Variants in PRKAR1B observed in about 807,000 individuals in gnomAD.
The protein encoded by PRKAR1B is cAMP-dependent protein kinase type I-beta regulatory subunit.
In PRKAR1B, 22 loss-of-function variants were observed where a neutral mutation model predicts 46.5. That is an observed-to-expected ratio of 0.47 (90% CI 0.34 to 0.68). PRKAR1B has a LOEUF of 0.68. Ranked by LOEUF, PRKAR1B falls within the 30% of genes least tolerant of loss-of-function variation. The pLI is 0.01. For synonymous variants in PRKAR1B, 259 were observed against 217.7 expected, an observed-to-expected ratio of 1.19 and a Z score of -1.67; for missense variants, 445 against 535.6, an observed-to-expected ratio of 0.83 and a Z score of 1.67.
rs1348872743 is a variant in PRKAR1B at position 602,702 on chromosome 7, T to C, written c.549+3491A>G. On this transcript the variant is annotated intron_variant, in intron 6 of 10. Coordinates refer to ENST00000537384, the MANE Select transcript of PRKAR1B (RefSeq NM_001164760.2). The surrounding 1 kb of genome is among the most constrained non-coding windows in gnomAD (Gnocchi z 6.4). Reference sequence around the variant, plus strand: ...GGACGAGGCTCTTGCGGTGCGTGTGTTGGGGACATGAGACGGGGCGGGGCA... The same window carrying C: ...GGACGAGGCTCTTGCGGTGCGTGTGCTGGGGACATGAGACGGGGCGGGGCA... 5.9e-6 allele frequency: 1 copy of C among 170,376 alleles called. No homozygotes were observed. 10.6% of individuals were successfully genotyped at this position (170,376 alleles called of 1,614,324 possible).
intron 4 of PRKAR1B, among the ~76,000 whole-genome samples, chr7:650,628 C>T (rs1220424411): frequency 3.9e-5 from 6 of 152,226 alleles, no homozygotes; most frequent in South Asian, 4.1e-4. Context: ...GGAATGGAGG[C>T]GCAATGGCGG....
At chr7:614,975 G>C (rs1038955458) in intron 4 of PRKAR1B, among the ~76,000 whole-genome samples, 4 of 152,162 alleles carry the variant, frequency 2.6e-5, no homozygotes, top group African/African-American at 9.7e-5. Context: ...TACTCGGGAG[G>C]CTGAGGCAGG....
chr7:664,452 G>C (rs561229455), intron 4 of PRKAR1B, among the ~76,000 whole-genome samples: 1 of 152,170 alleles, frequency 6.6e-6, no homozygotes, highest in Non-Finnish European at 1.5e-5. Context: ...TCTGGGCCTC[G>C]GGTCCCCATC....
At chr7:607,323 T>A (rs1782147777) in intron 5 of PRKAR1B, 68 bp downstream of exon 5, 2 of 1,468,200 alleles carry the variant, frequency 1.4e-6, no homozygotes, top group African/African-American at 1.4e-5. Flanking sequence ...CTTATGCTAT[T>A]TTTTTTTTAA....
At chr7:628,458 C>T (rs1026221436) in intron 4 of PRKAR1B, among the ~76,000 whole-genome samples, 1 of 152,262 alleles carries the variant, frequency 6.6e-6, no homozygotes, top group Non-Finnish European at 1.5e-5. Flanking sequence ...CCAAGGATTT[C>T]ATTCCTGGAG....
chr7:570,562 C>T (rs915931745), intron 9 of PRKAR1B, among the ~76,000 whole-genome samples: 7 of 152,150 alleles, frequency 4.6e-5, no homozygotes, highest in African/African-American at 7.2e-5. Flanking sequence ...CCTCATCCCC[C>T]GCCGTCCCCT....
Position 642,532 on chromosome 7 carries a change from C to T in PRKAR1B, c.440+34697G>A, listed in dbSNP as rs951088379. Among the ~76,000 whole-genome samples, 30 of 151,942 alleles carry T rather than the reference C, an allele frequency of 2.0e-4. 1 individual carries two copies. The highest frequency in any genetic ancestry group is 8.3e-4 in the South Asian group (4 of 4,812). Reference sequence around the variant, plus strand: ...CGAGGTCAGGAGATCGAGACCATCCCGGCTAAAACGGTGAAACCCCGTCTC... The same window carrying T: ...CGAGGTCAGGAGATCGAGACCATCCTGGCTAAAACGGTGAAACCCCGTCTC... On this transcript the variant is annotated intron_variant, in intron 4 of 10. Transcript: ENST00000537384.
chr7:591,287 T>A (rs1006669761), intron 7 of PRKAR1B, among the ~76,000 whole-genome samples: 11 of 152,212 alleles, frequency 7.2e-5, no homozygotes, highest in African/African-American at 2.7e-4. Flanking sequence ...CGGTGGGCAC[T>A]GGGACCCCCA....
intron 4 of PRKAR1B, among the ~76,000 whole-genome samples, chr7:636,036 A>T (rs71518337): frequency 0.015 from 155 of 10,072 alleles, no homozygotes; most frequent in East Asian, 0.021. Flanking sequence ...GGCCGCGCCC[A>T]CACGTCCTCC....
intron 1 of PRKAR1B, among the ~76,000 whole-genome samples, chr7:724,845 G>C (rs189481672): frequency 6.6e-6 from 1 of 152,334 alleles, no homozygotes; most frequent in East Asian, 1.9e-4. Flanking sequence ...GTTGCAGACA[G>C]TGCCTGGTCA....
At chr7:569,491 G>A (rs369346713) in intron 9 of PRKAR1B, among the ~76,000 whole-genome samples, 22 of 152,372 alleles carry the variant, frequency 1.4e-4, no homozygotes, top group African/African-American at 4.1e-4. Flanking sequence ...GCCGTGACGT[G>A]CCCGGGACAC....
intron 2 of PRKAR1B, among the ~76,000 whole-genome samples, chr7:695,574 A>G (rs1158448359): frequency 2.6e-5 from 4 of 152,220 alleles, no homozygotes; most frequent in African/African-American, 4.8e-5. Context: ...CACAAGACAG[A>G]GCCCACTGGA....
At chr7:716,654 G>A (rs914066534) in intron 1 of PRKAR1B, 39 of 152,198 alleles carry the variant, frequency 2.6e-4, no homozygotes, top group African/African-American at 8.9e-4. Flanking sequence ...TCTGCATGGC[G>A]AAGAGACCAA....
intron 4 of PRKAR1B, among the ~76,000 whole-genome samples, chr7:672,232 T>C: frequency 6.6e-6 from 1 of 151,864 alleles, no homozygotes; most frequent in South Asian, 2.1e-4. Flanking sequence ...CTCATTGCAA[T>C]CTCCGCCACC....
At chr7:596,334 G>A (rs777875224) in intron 6 of PRKAR1B, 30 bp from the exon 7 acceptor site, 93 of 1,589,018 alleles carry the variant, frequency 5.9e-5, no homozygotes, top group East Asian at 2.7e-4. Flanking sequence ...GAAGTGTCAC[G>A]GGGGCCAGGC....
intron 2 of PRKAR1B, among the ~76,000 whole-genome samples, chr7:691,975 C>T (rs980434369): frequency 7.2e-5 from 11 of 152,318 alleles, no homozygotes; most frequent in African/African-American, 2.2e-4. Flanking sequence ...AAGGGTGAGA[C>T]GCTGCAAATA....
intron 4 of PRKAR1B, among the ~76,000 whole-genome samples, chr7:621,243 C>A (rs1783094799): frequency 6.6e-6 from 1 of 152,172 alleles, no homozygotes; most frequent in Non-Finnish European, 1.5e-5. Context: ...ACCAGTGAAA[C>A]CATCAGAAAG....
chr7:714,164 A>T lies in PRKAR1B; in HGVS notation c.-22-2637T>A, dbSNP rs569975336. 6.6e-6 allele frequency among the ~76,000 whole-genome samples: 1 copy of T among 152,206 alleles called. No homozygotes were observed. The highest frequency in any genetic ancestry group is 2.4e-5 in the African/African-American group (1 of 41,530). On this transcript the variant is annotated intron_variant, in intron 1 of 10. Coordinates refer to ENST00000537384, the MANE Select transcript of PRKAR1B (RefSeq NM_001164760.2). This position sits in a 1 kb window ranked among gnomAD's most constrained non-coding sequence, Gnocchi z 4.3. ...GCAAAAAAGACCCAGGTGCCACCTA[A>T]CCAAGGCGACGTCTCGCTTCGGGGG...
At chr7:626,800 T>C (rs1199015386) in intron 4 of PRKAR1B, among the ~76,000 whole-genome samples, 1 of 151,992 alleles carries the variant, frequency 6.6e-6, no homozygotes, top group African/African-American at 2.4e-5. Context: ...AGCCTTGACC[T>C]CCTGGACACG....
Sources: allele counts gnomAD v4.1 joint callset (sites outside exome capture counted in the v4.1 genomes callset), GRCh38; gene constraint gnomAD v4.1.1; non-coding constraint Gnocchi (gnomAD v3.1); transcripts MANE v1.5; gene names NCBI Gene and HGNC (gene_info 2026-07-23, HGNC 2026-07-21).